Variants in HAPLN3 observed in about 807,000 individuals in gnomAD.
HAPLN3 encodes the protein extracellular link domain containing, 1.
HAPLN3 carries 28 observed loss-of-function variants against 28.1 expected under a neutral mutation model. That is an observed-to-expected ratio of 1.00 (90% CI 0.74 to 1.37). The LOEUF (loss-of-function observed/expected upper bound fraction) is 1.37, where lower values mean the gene tolerates loss of function less well. HAPLN3 is among the 40% of genes most tolerant of loss of function. The probability of loss-of-function intolerance (pLI) is 0.00; values close to 1 mark genes in which losing one functional copy is unlikely to be tolerated. For missense variants in HAPLN3, 513 were observed against 504.6 expected (o/e 1.02, Z -0.16); for synonymous variants, 211 against 213.1 (o/e 0.99, Z 0.09).
chr15:88,878,149 C>T lies in HAPLN3; in HGVS notation c.904G>A (p.Ala302Thr), dbSNP rs145650819. 23 of 1,614,040 alleles carry T rather than the reference C, an allele frequency of 1.4e-5. No individual in the cohort carries two copies. The highest frequency in any genetic ancestry group is 3.3e-5 in the Admixed American group (2 of 59,998). Residue 302 changes from alanine (A) to threonine (T), a missense_variant, in exon 5 of 5, where the codon GCC becomes ACC. By Grantham distance (58) the Ala-to-Thr change is moderately conservative. Coordinates refer to ENST00000359595, the MANE Select transcript of HAPLN3 (RefSeq NM_178232.4). ...CGGTCCAGGCCATGGAACTTCCAGGCGGCAAAGAGCTGTCCCACCTTGGCG... is the reference window on the plus strand; with the variant it reads ...CGGTCCAGGCCATGGAACTTCCAGGTGGCAAAGAGCTGTCCCACCTTGGCG... ...TIAKVGQLFAAWKFHGLDRCD... is the reference protein window; with the variant it reads ...TIAKVGQLFATWKFHGLDRCD...
intron 2 of HAPLN3, among the ~76,000 whole-genome samples, chr15:88,886,591 G>A (rs996526435): frequency 3.9e-5 from 6 of 151,964 alleles, no homozygotes; most frequent in African/African-American, 1.5e-4. Context: ...TTGGGAGGTC[G>A]AGGCAGGTGG....
intron 1 of HAPLN3, chr15:88,893,186 G>T: frequency 5.8e-6 from 4 of 684,340 alleles, no homozygotes; most frequent in Non-Finnish European, 1.1e-5. Context: ...GGGAAGCTGA[G>T]GGGGTGGATC....
intron 2 of HAPLN3, among the ~76,000 whole-genome samples, chr15:88,885,690 C>T (rs1159678196): frequency 6.6e-6 from 1 of 152,098 alleles, no homozygotes; most frequent in Non-Finnish European, 1.5e-5. Flanking sequence ...CTCTTGACCT[C>T]GTGATCCATC....
chr15:88,884,007 A>T (rs1208437542), intron 2 of HAPLN3, among the ~76,000 whole-genome samples: 2 of 149,394 alleles, frequency 1.3e-5, no homozygotes, highest in African/African-American at 5.0e-5. Flanking sequence ...TGAGCCCAGG[A>T]GGCAGAAGTT....
rs759008123 is a variant in HAPLN3 at position 88,887,265 on chromosome 15, G to GCAGGAGCAACGGGAC, written c.19_33dup (p.Val7_Leu11dup). Reference sequence around the variant, plus strand: ...AAGGGCAGTCCGTAGGAGCCGGGCAGCAGGAGCAACGGGACCAGGAGCAAC... The same window carrying GCAGGAGCAACGGGAC: ...AAGGGCAGTCCGTAGGAGCCGGGCAGCAGGAGCAACGGGACCAGGAGCAACGGGACCAGGAGCAAC... On this transcript the variant is annotated inframe_insertion, in exon 2 of 5. Transcript: ENST00000359595. The GCAGGAGCAACGGGAC allele has an allele frequency of 4.3e-6, 7 of 1,614,058 alleles. No individual in the cohort carries two copies. The highest frequency in any genetic ancestry group is 2.2e-5 in the East Asian group (1 of 44,886).
In HAPLN3 at chr15:88,881,199, A is replaced by T; in HGVS notation, c.493+158T>A. 1.1e-6 allele frequency: 1 copy of T among 939,134 alleles called. No individual in the cohort carries two copies. Among genetic ancestry groups the T allele is most frequent in the Non-Finnish European group, 1.6e-6 (1 of 642,108 alleles). 58.2% of individuals were successfully genotyped at this position (939,134 alleles called of 1,614,324 possible). ...GACCTCTCTGTGCCTCAGTTTTCTC[A>T]CCTGTAAAATGGGGGTCACAACAGT... On this transcript the variant is annotated intron_variant, in intron 3 of 4. Transcript: ENST00000359595. The surrounding 1 kb of genome is among the most constrained non-coding windows in gnomAD (Gnocchi z 6.0).
At chr15:88,894,523 C>A (rs757039980) in intron 1 of HAPLN3, among the ~76,000 whole-genome samples, 39 of 152,336 alleles carry the variant, frequency 2.6e-4, no homozygotes, top group Non-Finnish European at 4.7e-4. Flanking sequence ...CCTGTTTGCA[C>A]AAGGCTTGAT....
At chr15:88,883,931 A>T (rs1160461348) in intron 2 of HAPLN3, among the ~76,000 whole-genome samples, 6 of 152,078 alleles carry the variant, frequency 3.9e-5, no homozygotes, top group Admixed American at 3.3e-4. Flanking sequence ...TACAAAAATT[A>T]GCTGGGCACA....
In HAPLN3 at chr15:88,893,095, G is replaced by A. The variant is rs1007903218; in HGVS notation, c.-48+2364C>T. 2.7e-5 allele frequency: 23 copies of A among 853,944 alleles called. 1 individual carries two copies. In the African/African-American group the frequency reaches 3.4e-4, roughly 12 times the overall value. The allele number at this position is 853,944 out of a possible 1,614,324, so 52.9% of individuals were successfully genotyped here. A position where few individuals can be genotyped will look rare whatever the true frequency, so the allele number is the denominator to read the frequency against. On this transcript the variant is annotated intron_variant, in intron 1 of 4. Coordinates refer to ENST00000359595, the MANE Select transcript of HAPLN3 (RefSeq NM_178232.4). Reference sequence around the variant, plus strand: ...TGACTTCGGGCAAGTTCACCTCTCTGTGCCTCCATTTCCTCATCTGTAAAA... The same window carrying A: ...TGACTTCGGGCAAGTTCACCTCTCTATGCCTCCATTTCCTCATCTGTAAAA...
rs187158188 is a variant in HAPLN3, at chr15:88,879,632, G to C, written c.494-363C>G. The stretch of plus-strand genomic sequence containing the variant: ...CTCTAGGGGCCAGGTTTGACTCCCA[G>C]CTCCCCACTCGTTAGCTGGGACCCG... On this transcript the variant is annotated intron_variant, in intron 3 of 4. Coordinates refer to ENST00000359595, the MANE Select transcript of HAPLN3 (RefSeq NM_178232.4). This position sits in a 1 kb window ranked among gnomAD's most constrained non-coding sequence, Gnocchi z 5.0. 2 of 1,252,382 alleles carry C rather than the reference G, an allele frequency of 1.6e-6. No homozygotes were observed. The highest frequency in any genetic ancestry group is 4.8e-5 in the East Asian group (1 of 20,890). The allele number at this position is 1,252,382 out of a possible 1,614,324, so 77.6% of individuals were successfully genotyped here. A position where few individuals can be genotyped will look rare whatever the true frequency, so the allele number is the denominator to read the frequency against.
rs142349749 is a variant in HAPLN3, at chr15:88,886,779, C to T, written c.124+396G>A. On this transcript the variant is annotated intron_variant, in intron 2 of 4. Transcript: ENST00000359595. ...GGCAGAGGTTGCAGTGAGCCGAGAT[C>T]GTGCCATTGCACTCCAGCCTCGGCA... Among the ~76,000 whole-genome samples, 823 of 152,318 alleles carry T rather than the reference C, an allele frequency of 5.4e-3. 20 individuals are homozygous for T. The highest frequency in any genetic ancestry group is 0.04 in the East Asian group (209 of 5,184).
At chr15:88,882,678 T>C (rs765145673) in intron 2 of HAPLN3, among the ~76,000 whole-genome samples, 12 of 152,098 alleles carry the variant, frequency 7.9e-5, no homozygotes, top group Non-Finnish European at 1.5e-4. Flanking sequence ...TTCTCTTGGG[T>C]CTAGACTTCA....
rs1239676778 is a variant in HAPLN3 at position 88,880,732 on chromosome 15, CT to C, written c.493+624del. On this transcript the variant is annotated intron_variant, in intron 3 of 4. Transcript: ENST00000359595. This position sits in a 1 kb window ranked among gnomAD's most constrained non-coding sequence, Gnocchi z 6.0. ...GTTTTTGTTTTTGGTTTTGGGGGGG[CT>C]TTTTGTTTGTTTTTTGTTTTGTTTT... The C allele has an allele frequency of 9.4e-5, 33 of 352,606 alleles. No homozygotes were observed. The South Asian group carries it at 1.0e-3, about 11-fold the overall frequency. 21.8% of individuals were successfully genotyped at this position (352,606 alleles called of 1,614,324 possible).
chr15:88,878,341 G>A (rs1311103865), intron 4 of HAPLN3, 85 bp from the exon 5 acceptor site: 1 of 1,286,310 alleles, frequency 7.8e-7, no homozygotes, highest in Non-Finnish European at 1.1e-6. Flanking sequence ...CAGCCCCAAA[G>A]ACCCGTCTGA....
At position 88,880,627 on chromosome 15, in the gene HAPLN3, T is replaced by C. The variant is rs1897670812; in HGVS notation, c.493+730A>G. 1 of 1,286,876 alleles carries C rather than the reference T, an allele frequency of 7.8e-7. No homozygotes were observed. The highest frequency in any genetic ancestry group is 2.3e-5 in the Admixed American group (1 of 43,482). 79.7% of individuals were successfully genotyped at this position (1,286,876 alleles called of 1,614,324 possible). A position where few individuals can be genotyped will look rare whatever the true frequency, so the allele number is the denominator to read the frequency against. On this transcript the variant is annotated intron_variant, in intron 3 of 4. Transcript: ENST00000359595. The surrounding 1 kb of genome is among the most constrained non-coding windows in gnomAD (Gnocchi z 6.0). ...AGCCCCATCCTAGAGACAGAGAAGGTAAATACAAATTAAAGATCAAACAGG... is the reference window on the plus strand; with the variant it reads ...AGCCCCATCCTAGAGACAGAGAAGGCAAATACAAATTAAAGATCAAACAGG...
At chr15:88,878,600 A>G (rs376986815) in intron 4 of HAPLN3, among the ~76,000 whole-genome samples, 1 of 152,308 alleles carries the variant, frequency 6.6e-6, no homozygotes, top group East Asian at 1.9e-4. Context: ...GGCTTGGCAT[A>G]TGACACTGAA....
rs928184399 is a variant in HAPLN3, at chr15:88,880,477, G to T, written c.493+880C>A. 8.0e-7 allele frequency: 1 copy of T among 1,244,388 alleles called. No homozygotes were observed. The highest frequency in any genetic ancestry group is 1.6e-5 in the African/African-American group (1 of 64,508). 77.1% of individuals were successfully genotyped at this position (1,244,388 alleles called of 1,614,324 possible). ...CCCATTTTACACCTGAGAGGCCCAG[G>T]GCTCTAAGGGGGATGAGGCATTTAC... On this transcript the variant is annotated intron_variant, in intron 3 of 4. Coordinates refer to ENST00000359595, the MANE Select transcript of HAPLN3 (RefSeq NM_178232.4). This position sits in a 1 kb window ranked among gnomAD's most constrained non-coding sequence, Gnocchi z 6.0.
At chr15:88,885,260 A>C (rs1596170576) in intron 2 of HAPLN3, among the ~76,000 whole-genome samples, 1 of 152,104 alleles carries the variant, frequency 6.6e-6, no homozygotes, top group East Asian at 1.9e-4. Flanking sequence ...TTCCTTCCAC[A>C]AACAAGTGGA....
At chr15:88,886,602 A>C (rs1325474861) in intron 2 of HAPLN3, among the ~76,000 whole-genome samples, 1 of 151,956 alleles carries the variant, frequency 6.6e-6, no homozygotes. Context: ...AGGCAGGTGG[A>C]TCACCTGAGG....
Sources: gnomAD v4.1 joint callset for allele counts (sites outside exome capture counted in the v4.1 genomes callset) on GRCh38, gnomAD v4.1.1 for gene constraint, Gnocchi (gnomAD v3.1) non-coding constraint, MANE v1.5 for transcripts, NCBI Gene and HGNC (gene_info 2026-07-23, HGNC 2026-07-21) for gene names.